The following BBS9 variants were observed in gnomAD, a reference collection of about 807,000 sequenced individuals.
BBS9 encodes the protein Bardet-Biedl syndrome 9.
Under a neutral mutation model 117.7 loss-of-function variants are expected in BBS9, and 89 were observed. The ratio of observed to expected loss-of-function variants is 0.76; its 90% CI spans 0.64 to 0.90. BBS9 has a LOEUF of 0.90. Ranked by LOEUF, BBS9 falls within the 40% of genes least tolerant of loss-of-function variation. The pLI, the probability that BBS9 is intolerant of heterozygous loss-of-function variation, is 0.00. For synonymous variants in BBS9, 379 were observed against 370.9 expected, an observed-to-expected ratio of 1.02 and a Z score of -0.25; for missense variants, 982 against 1,042.2, an observed-to-expected ratio of 0.94 and a Z score of 0.80.
chr7:33,598,310 G>A (rs917280442), intron 21 of BBS9, among the ~76,000 whole-genome samples: 2 of 151,536 alleles, frequency 1.3e-5, no homozygotes, highest in African/African-American at 4.8e-5. Flanking sequence ...CAATAGAAAA[G>A]TATCATGCAA....
At chr7:33,367,377 T>A (rs963158768) in intron 16 of BBS9, among the ~76,000 whole-genome samples, 7 of 152,220 alleles carry the variant, frequency 4.6e-5, no homozygotes, top group African/African-American at 1.7e-4. Context: ...TTTTCTTTGA[T>A]ACTCTAATAT....
intron 5 of BBS9, among the ~76,000 whole-genome samples, chr7:33,203,135 G>C (rs1041512925): frequency 1.3e-5 from 2 of 152,162 alleles, no homozygotes; most frequent in Non-Finnish European, 2.9e-5. Flanking sequence ...TGCTTGGTAG[G>C]TGGTAGGGGT....
chr7:33,514,793 G>A (rs1222482196), intron 20 of BBS9, among the ~76,000 whole-genome samples: 3 of 152,068 alleles, frequency 2.0e-5, no homozygotes, highest in Non-Finnish European at 4.4e-5. Context: ...TTCAGATTCA[G>A]GGTTTTGGTT....
intron 18 of BBS9, 21 bp from the exon 19 acceptor site, chr7:33,387,971 T>G (rs180842838): frequency 6.2e-7 from 1 of 1,612,180 alleles, no homozygotes; most frequent in African/African-American, 1.3e-5. Context: ...TAATCTCAAT[T>G]TAAGAAATTA....
At chr7:33,565,781 GTA>G (rs70989957) in intron 21 of BBS9, among the ~76,000 whole-genome samples, 1,394 of 64,584 alleles carry the variant, frequency 0.022, 15 homozygotes, top group Non-Finnish European at 0.03. Context: ...GCTATCAGTA[GTA>G]TATATATATA....
At chr7:33,159,221 T>C (rs1794495147) in intron 4 of BBS9, among the ~76,000 whole-genome samples, 1 of 152,194 alleles carries the variant, frequency 6.6e-6, no homozygotes, top group African/African-American at 2.4e-5. Flanking sequence ...CTCTCAATTT[T>C]GAGAGATTGA....
At chr7:33,516,181 AGAAATGTCCTATAATTGATG>A (rs1563287548) in intron 20 of BBS9, among the ~76,000 whole-genome samples, 1 of 152,232 alleles carries the variant, frequency 6.6e-6, no homozygotes, top group East Asian at 1.9e-4. Flanking sequence ...GATGTGGGGG[AGAAATGTCCTATAATTGATG>A]GAACATAGGC....
At chr7:33,308,202 A>G (rs376584285) in intron 9 of BBS9, among the ~76,000 whole-genome samples, 6 of 152,278 alleles carry the variant, frequency 3.9e-5, no homozygotes, top group African/African-American at 4.8e-5. Context: ...AGTAGGAAGC[A>G]TAGCAATAAA....
intron 2 of BBS9, among the ~76,000 whole-genome samples, chr7:33,146,566 G>T (rs1165769993): frequency 6.6e-6 from 1 of 152,014 alleles, no homozygotes; most frequent in Non-Finnish European, 1.5e-5. Flanking sequence ...GGGCTTGGTG[G>T]TGGGCATCTG....
rs368149739 is a variant in BBS9 at position 33,384,540 on chromosome 7, A to G, written c.1962+702A>G. 1.2e-3 allele frequency among the ~76,000 whole-genome samples: 186 copies of G among 152,262 alleles called. 7 individuals are homozygous for G. In the South Asian group the frequency reaches 0.038, roughly 31 times the overall value. ...GACAGTGACAGTCATAGTTTTTTTA[A>G]AAGTCCCATGTATTCCAGTCATCAG... On this transcript the variant is annotated intron_variant, in intron 18 of 22. Coordinates refer to ENST00000242067, the MANE Select transcript of BBS9 (RefSeq NM_198428.3).
intron 21 of BBS9, among the ~76,000 whole-genome samples, chr7:33,568,387 G>A (rs934279311): frequency 6.6e-6 from 1 of 152,062 alleles, no homozygotes; most frequent in Admixed American, 6.6e-5. Context: ...CCAGAGTTTT[G>A]TGTTTTCTCC....
chr7:33,167,263 T>G (rs934321559), intron 4 of BBS9, among the ~76,000 whole-genome samples: 1 of 152,174 alleles, frequency 6.6e-6, no homozygotes, highest in African/African-American at 2.4e-5. Context: ...TCGTTCACAT[T>G]GTATATATAA....
At chr7:33,555,671 C>T (rs1350730177) in intron 21 of BBS9, among the ~76,000 whole-genome samples, 3 of 152,100 alleles carry the variant, frequency 2.0e-5, no homozygotes, top group African/African-American at 7.2e-5. Flanking sequence ...AAGGAACCCC[C>T]AGATTGCTGG....
chr7:33,592,785 T>TGCCAG lies in BBS9; in HGVS notation c.2522-12078_2522-12074dup, dbSNP rs137929774. 1.0e-3 allele frequency among the ~76,000 whole-genome samples: 158 copies of TGCCAG among 152,244 alleles called. 1 individual carries two copies. Among genetic ancestry groups the TGCCAG allele is most frequent in the African/African-American group, 3.7e-3 (155 of 41,564 alleles). ...AAAGAAACTCAAGTTGAAGAAATGT[T>TGCCAG]GCCAGGATCATTGGGGAATGAATAG... On this transcript the variant is annotated intron_variant, in intron 21 of 22. Coordinates refer to ENST00000242067, the MANE Select transcript of BBS9 (RefSeq NM_198428.3).
At chr7:33,196,397 G>A (rs1784946108) in intron 5 of BBS9, among the ~76,000 whole-genome samples, 1 of 152,152 alleles carries the variant, frequency 6.6e-6, no homozygotes, top group South Asian at 2.1e-4. Flanking sequence ...TGGTTTCTTT[G>A]ATTGCCATCC....
At chr7:33,162,168 T>C (rs1194193232) in intron 4 of BBS9, among the ~76,000 whole-genome samples, 1 of 152,216 alleles carries the variant, frequency 6.6e-6, no homozygotes, top group Non-Finnish European at 1.5e-5. Context: ...CTTCTAGGGT[T>C]TTTATGGTTT....
At position 33,235,763 on chromosome 7, in the gene BBS9, A is replaced by T. The variant is rs556989296; in HGVS notation, c.443-21473A>T. ...AGTCACTGAGGTAGTGGATACATATACCAGAAGTGAAGGGGAAAAGTAGAG... is the reference window on the plus strand; with the variant it reads ...AGTCACTGAGGTAGTGGATACATATTCCAGAAGTGAAGGGGAAAAGTAGAG... On this transcript the variant is annotated intron_variant, in intron 5 of 22. Transcript: ENST00000242067. Among the ~76,000 whole-genome samples the T allele has an allele frequency of 2.0e-5, 3 of 152,206 alleles. No homozygotes were observed. The East Asian group carries it at 5.8e-4, about 29-fold the overall frequency.
intron 19 of BBS9, among the ~76,000 whole-genome samples, chr7:33,484,507 G>A (rs1272941406): frequency 6.6e-6 from 1 of 152,060 alleles, no homozygotes; most frequent in Non-Finnish European, 1.5e-5. Flanking sequence ...TTTTTCAACA[G>A]CATTTTGACT....
At chr7:33,522,369 TA>T (rs1322973783) in intron 20 of BBS9, among the ~76,000 whole-genome samples, 3 of 150,322 alleles carry the variant, frequency 2.0e-5, no homozygotes, top group African/African-American at 7.3e-5. Flanking sequence ...ACCAACAGTG[TA>T]AAAGTGTTCC....
Sources: gnomAD v4.1 joint callset for allele counts (sites outside exome capture counted in the v4.1 genomes callset) on GRCh38, gnomAD v4.1.1 for gene constraint, MANE v1.5 for transcripts, NCBI Gene and HGNC (gene_info 2026-07-23, HGNC 2026-07-21) for gene names.